WDR70: variants seen among roughly 807,000 people sequenced by gnomAD.
WDR70 encodes the protein WD repeat domain 70.
Under a neutral mutation model 88.6 loss-of-function variants are expected in WDR70, and 53 were observed. The ratio of observed to expected loss-of-function variants is 0.60; its 90% confidence interval spans 0.48 to 0.75. The LOEUF (loss-of-function observed/expected upper bound fraction) is 0.75. WDR70 is among the 30% of genes least tolerant of loss of function. WDR70 has a pLI of 0.00. For synonymous variants in WDR70, 280 were observed against 270.0 expected (o/e 1.04, Z -0.36); for missense variants, 610 against 823.2 (o/e 0.74, Z 3.17).
At chr5:37,673,252 G>A (rs902515177) in intron 10 of WDR70, among the ~76,000 whole-genome samples, 2 of 152,120 alleles carry the variant, frequency 1.3e-5, no homozygotes, top group Non-Finnish European at 2.9e-5. Context: ...TTAAGCTTTT[G>A]TAGTATTCCA....
At chr5:37,475,050 C>T (rs1378771715) in intron 7 of WDR70, among the ~76,000 whole-genome samples, 1 of 151,800 alleles carries the variant, frequency 6.6e-6, no homozygotes, top group Non-Finnish European at 1.5e-5. Context: ...TCCCGAGTAG[C>T]TGGGATTACA....
At chr5:37,424,025 T>G (rs923040687) in intron 5 of WDR70, among the ~76,000 whole-genome samples, 4 of 149,860 alleles carry the variant, frequency 2.7e-5, no homozygotes, top group African/African-American at 9.7e-5. Flanking sequence ...GGTGCATGCT[T>G]GTAATCCTGT....
chr5:37,389,511 C>T (rs932420610), intron 3 of WDR70, among the ~76,000 whole-genome samples: 2 of 151,238 alleles, frequency 1.3e-5, no homozygotes, highest in East Asian at 2.0e-4. Flanking sequence ...CCCGGGTTCA[C>T]ACCATTCTCC....
At chr5:37,473,801 C>T (rs573793635) in intron 7 of WDR70, among the ~76,000 whole-genome samples, 258 of 152,054 alleles carry the variant, frequency 1.7e-3, no homozygotes, top group African/African-American at 5.7e-3. Context: ...ATATCTTTTC[C>T]TTTTATATAT....
At chr5:37,407,693 G>A (rs968211713) in intron 5 of WDR70, among the ~76,000 whole-genome samples, 2 of 150,190 alleles carry the variant, frequency 1.3e-5, no homozygotes, top group Non-Finnish European at 3.0e-5. Flanking sequence ...TTCCTTTTAC[G>A]CCTTTTGTCT....
intron 9 of WDR70, among the ~76,000 whole-genome samples, chr5:37,555,888 T>G (rs1478595964): frequency 6.6e-6 from 1 of 152,068 alleles, no homozygotes; most frequent in East Asian, 1.9e-4. Context: ...CTGACTAATT[T>G]TTATGTTTTT....
At chr5:37,557,860 G>A (rs1444298283) in intron 9 of WDR70, among the ~76,000 whole-genome samples, 1 of 7,838 alleles carries the variant, frequency 1.3e-4, no homozygotes, top group Non-Finnish European at 2.5e-4. Flanking sequence ...TTTATATTTT[G>A]TATTGTATGA....
chr5:37,655,216 C>T (rs1745518642), intron 10 of WDR70, among the ~76,000 whole-genome samples: 1 of 152,172 alleles, frequency 6.6e-6, no homozygotes, highest in South Asian at 2.1e-4. Context: ...CTTAGTTTGG[C>T]TGGTTATGAA....
intron 7 of WDR70, among the ~76,000 whole-genome samples, chr5:37,474,976 T>C (rs1039247881): frequency 6.6e-6 from 1 of 152,194 alleles, no homozygotes; most frequent in Non-Finnish European, 1.5e-5. Context: ...TGGAGTGCAG[T>C]GGCATGATCT....
chr5:37,437,673 A>C (rs1224374651), intron 5 of WDR70, among the ~76,000 whole-genome samples: 1 of 152,174 alleles, frequency 6.6e-6, no homozygotes, highest in Non-Finnish European at 1.5e-5. Context: ...ATAATTTTAT[A>C]GAACCTAATG....
intron 10 of WDR70, among the ~76,000 whole-genome samples, chr5:37,679,145 CAA>C (rs985465901): frequency 2.0e-5 from 3 of 151,982 alleles, no homozygotes; most frequent in African/African-American, 7.2e-5. Flanking sequence ...AAATTTTTTT[CAA>C]AGTTTTTAAC....
chr5:37,433,453 C>T (rs74347368), intron 5 of WDR70, among the ~76,000 whole-genome samples: 566 of 152,286 alleles, frequency 3.7e-3, no homozygotes, highest in Non-Finnish European at 4.0e-3. Context: ...GGAACTCTCT[C>T]TCTGGCTTTT....
At chr5:37,453,146 A>T (rs1738725881) in intron 7 of WDR70, among the ~76,000 whole-genome samples, 1 of 152,126 alleles carries the variant, frequency 6.6e-6, no homozygotes, top group Non-Finnish European at 1.5e-5. Context: ...TATTTACCTG[A>T]ATATATTTTT....
intron 7 of WDR70, among the ~76,000 whole-genome samples, chr5:37,456,400 C>T (rs180911590): frequency 1.2e-4 from 18 of 152,268 alleles, no homozygotes; most frequent in South Asian, 4.1e-4. Context: ...CAAAAACTTT[C>T]GCCCATTTTA....
intron 7 of WDR70, among the ~76,000 whole-genome samples, chr5:37,470,007 T>G (rs1192281326): frequency 6.6e-6 from 1 of 152,182 alleles, no homozygotes; most frequent in African/African-American, 2.4e-5. Context: ...TACATAAAAG[T>G]TCACCTTTTA....
At chr5:37,536,758 A>G (rs1022662444) in intron 9 of WDR70, among the ~76,000 whole-genome samples, 1 of 152,130 alleles carries the variant, frequency 6.6e-6, no homozygotes, top group Non-Finnish European at 1.5e-5. Flanking sequence ...GTAGTAAACC[A>G]TAGTTTTTCA....
intron 9 of WDR70, among the ~76,000 whole-genome samples, chr5:37,594,714 A>G (rs1743649281): frequency 2.0e-5 from 3 of 152,208 alleles, no homozygotes; most frequent in East Asian, 1.9e-4. Context: ...CATTGAATCT[A>G]TAAATTACCT....
chr5:37,663,801 C>T (rs908379776), intron 10 of WDR70, among the ~76,000 whole-genome samples: 6 of 152,170 alleles, frequency 3.9e-5, no homozygotes, highest in Admixed American at 3.9e-4. Context: ...CCCACTAATC[C>T]TTCCACCTGC....
At chr5:37,700,713 A>G (rs1003983048) in intron 11 of WDR70, among the ~76,000 whole-genome samples, 3 of 152,188 alleles carry the variant, frequency 2.0e-5, no homozygotes, top group Non-Finnish European at 4.4e-5. Context: ...GGGAACTACC[A>G]TCTGCTCTAA....
Sources: allele counts gnomAD v4.1 joint callset (sites outside exome capture counted in the v4.1 genomes callset), GRCh38; gene constraint gnomAD v4.1.1; transcripts MANE v1.5; gene names NCBI Gene and HGNC (gene_info 2026-07-23, HGNC 2026-07-21).